FTO: variants seen among roughly 807,000 people sequenced by gnomAD.
The protein encoded by FTO is FTO alpha-ketoglutarate dependent dioxygenase.
In FTO, 47 loss-of-function variants were observed where a neutral mutation model predicts 63.9. The observed-to-expected ratio is 0.74, with a 90% CI of 0.58 to 0.94. The LOEUF (loss-of-function observed/expected upper bound fraction) is 0.94, where lower values mean the gene tolerates loss of function less well. Among genes scored for constraint, FTO ranks in the 40% least tolerant of loss-of-function variants. The pLI is 0.00. For synonymous variants in FTO, 207 were observed against 224.4 expected (o/e 0.92, Z 0.69); for missense variants, 562 against 618.1 (o/e 0.91, Z 0.96).
At chr16:53,854,613 G>C (rs958617695) in intron 4 of FTO, among the ~76,000 whole-genome samples, 3 of 152,118 alleles carry the variant, frequency 2.0e-5, no homozygotes, top group African/African-American at 4.8e-5. Context: ...TTTATTTATG[G>C]CTTCTCCATT....
At chr16:53,877,630 G>C (rs2080695505) in intron 5 of FTO, among the ~76,000 whole-genome samples, 1 of 151,754 alleles carries the variant, frequency 6.6e-6, no homozygotes, top group Non-Finnish European at 1.5e-5. Context: ...TAATTGTAGT[G>C]ATATTTGTAT....
At chr16:54,084,978 T>G (rs1461660440) in intron 8 of FTO, among the ~76,000 whole-genome samples, 1 of 152,214 alleles carries the variant, frequency 6.6e-6, no homozygotes, top group African/African-American at 2.4e-5. Context: ...ATGTGCCTCT[T>G]GGGCCCTTGG....
intron 7 of FTO, among the ~76,000 whole-genome samples, chr16:53,916,794 C>T (rs1053646536): frequency 6.6e-6 from 1 of 152,142 alleles, no homozygotes; most frequent in Non-Finnish European, 1.5e-5. Flanking sequence ...GTGAAAATAG[C>T]CTTAAATCAT....
chr16:53,800,258 A>G (rs950621455), intron 1 of FTO, among the ~76,000 whole-genome samples: 2 of 152,010 alleles, frequency 1.3e-5, no homozygotes, highest in African/African-American at 4.8e-5. Flanking sequence ...TCTTTGACTC[A>G]TGTATTATTT....
At chr16:54,009,223 C>T (rs1002644537) in intron 8 of FTO, among the ~76,000 whole-genome samples, 5 of 151,958 alleles carry the variant, frequency 3.3e-5, no homozygotes, top group Admixed American at 2.0e-4. Context: ...GTGTTTGAAC[C>T]TAGTAGTGAA....
At position 54,120,448 on chromosome 16, in the gene FTO, C is replaced by T. The variant is rs1018023934; in HGVS notation, c.*8533C>T. 1.3e-5 allele frequency: 2 copies of T among 152,214 alleles called. No individual in the cohort carries two copies. The highest frequency in any genetic ancestry group is 2.9e-5 in the Non-Finnish European group (2 of 68,036). The allele number at this position is 152,214 out of a possible 1,614,324, so 9.4% of individuals were successfully genotyped here. A position where few individuals can be genotyped will look rare whatever the true frequency, so the allele number is the denominator to read the frequency against. On this transcript the variant is annotated 3_prime_UTR_variant, in exon 9 of 9. Transcript: ENST00000471389. ...TCTTAATCAGCATTTCTAATTTCTG[C>T]CCTTTGCTCATTTTAATACAGAGCC...
chr16:53,778,975 A>G (rs2151650525), intron 1 of FTO, among the ~76,000 whole-genome samples: 1 of 152,140 alleles, frequency 6.6e-6, no homozygotes, highest in African/African-American at 2.4e-5. Flanking sequence ...TATTTGGGAC[A>G]TTAAGGAAAG....
chr16:53,853,952 C>T (rs2079895347), intron 4 of FTO, among the ~76,000 whole-genome samples: 1 of 152,120 alleles, frequency 6.6e-6, no homozygotes, highest in South Asian at 2.1e-4. Flanking sequence ...TGTATAAGCA[C>T]TCCCTTTTCA....
chr16:53,866,209 G>A (rs910047913), intron 4 of FTO, among the ~76,000 whole-genome samples: 4 of 151,904 alleles, frequency 2.6e-5, no homozygotes, highest in Non-Finnish European at 5.9e-5. Flanking sequence ...GTTGATTTTT[G>A]TATGTTGAAT....
intron 8 of FTO, among the ~76,000 whole-genome samples, chr16:54,007,595 A>G (rs78731690): frequency 3.7e-4 from 57 of 152,360 alleles, no homozygotes; most frequent in African/African-American, 1.3e-3. Flanking sequence ...ACAAGCTCCA[A>G]TGCCTGCAGT....
rs1336262092 is a variant in FTO, at chr16:54,117,135, T to G, written c.*5220T>G. On this transcript the variant is annotated 3_prime_UTR_variant, in exon 9 of 9. Transcript: ENST00000471389. ...AGGTTTTCTGAGTTTAAGTTCTGATTCTGTGTGTGATTCTCACTCTACCAC... is the reference window on the plus strand; with the variant it reads ...AGGTTTTCTGAGTTTAAGTTCTGATGCTGTGTGTGATTCTCACTCTACCAC... 6.6e-6 allele frequency: 1 copy of G among 152,238 alleles called. No homozygotes were observed. Among genetic ancestry groups the G allele is most frequent in the African/African-American group, 2.4e-5 (1 of 41,448 alleles). 9.4% of individuals were successfully genotyped at this position (152,238 alleles called of 1,614,324 possible).
chr16:53,751,172 G>C (rs2076779542), intron 1 of FTO, among the ~76,000 whole-genome samples: 1 of 132,946 alleles, frequency 7.5e-6, no homozygotes, highest in Non-Finnish European at 1.5e-5. Flanking sequence ...ACTTTGGGAG[G>C]CCAAGGCGAG....
chr16:53,796,543 G>T (rs891986961), intron 1 of FTO, among the ~76,000 whole-genome samples: 66 of 152,126 alleles, frequency 4.3e-4, no homozygotes, highest in Non-Finnish European at 7.6e-4. Context: ...CACAAAAAGG[G>T]ACATACTACA....
chr16:53,914,680 G>A (rs1252041932), intron 7 of FTO, among the ~76,000 whole-genome samples: 1 of 152,172 alleles, frequency 6.6e-6, no homozygotes, highest in African/African-American at 2.4e-5. Flanking sequence ...TGGAAGGACG[G>A]CCATGGCGAA....
chr16:53,979,122 C>G (rs1424079073), intron 8 of FTO, among the ~76,000 whole-genome samples: 1 of 152,136 alleles, frequency 6.6e-6, no homozygotes, highest in African/African-American at 2.4e-5. Flanking sequence ...TTACATACAT[C>G]ACTGAAAAAT....
At chr16:53,813,973 C>A (rs2078603417) in intron 2 of FTO, among the ~76,000 whole-genome samples, 1 of 152,048 alleles carries the variant, frequency 6.6e-6, no homozygotes, top group South Asian at 2.1e-4. Flanking sequence ...GTTCAGCCTG[C>A]CTCTCATAAC....
chr16:53,828,266 C>G (rs886177157), intron 3 of FTO, among the ~76,000 whole-genome samples: 1 of 152,142 alleles, frequency 6.6e-6, no homozygotes, highest in Non-Finnish European at 1.5e-5. Flanking sequence ...GTCGCCCAGG[C>G]TGGAGTGCAG....
rs2086980903 is a variant in FTO at position 54,117,409 on chromosome 16, T to A, written c.*5494T>A. Reference sequence around the variant, plus strand: ...CCAGTCTTTGTTTCTATAATGGGGATGATGATAATGCCTAGCTCATTGGAT... The same window carrying A: ...CCAGTCTTTGTTTCTATAATGGGGAAGATGATAATGCCTAGCTCATTGGAT... On this transcript the variant is annotated 3_prime_UTR_variant, in exon 9 of 9. Coordinates refer to ENST00000471389, the MANE Select transcript of FTO (RefSeq NM_001080432.3). The A allele has an allele frequency of 6.6e-6, 1 of 152,170 alleles. No individual in the cohort carries two copies. Among genetic ancestry groups the A allele is most frequent in the Admixed American group, 6.5e-5 (1 of 15,278 alleles). The allele number at this position is 152,170 out of a possible 1,614,324, so 9.4% of individuals were successfully genotyped here. A position where few individuals can be genotyped will look rare whatever the true frequency, so the allele number is the denominator to read the frequency against.
chr16:53,765,924 G>T (rs2077189694), intron 1 of FTO, among the ~76,000 whole-genome samples: 1 of 152,160 alleles, frequency 6.6e-6, no homozygotes, highest in East Asian at 1.9e-4. Flanking sequence ...GTGTTTTAAG[G>T]TAGGGAGCGT....
Sources: gnomAD v4.1 joint callset for allele counts (sites outside exome capture counted in the v4.1 genomes callset) on GRCh38, gnomAD v4.1.1 for gene constraint, MANE v1.5 for transcripts, NCBI Gene and HGNC (gene_info 2026-07-23, HGNC 2026-07-21) for gene names.